Variants in CAPS2 observed in about 807,000 individuals in gnomAD.
CAPS2 encodes the protein calcyphosin-2.
CAPS2 carries 98 observed loss-of-function variants against 86.5 expected under a neutral mutation model. The ratio of observed to expected loss-of-function variants is 1.13; its 90% CI spans 0.96 to 1.34. The LOEUF (loss-of-function observed/expected upper bound fraction) is 1.34, where lower values mean the gene tolerates loss of function less well. Among genes scored for constraint, CAPS2 ranks in the 40% most tolerant of loss-of-function variants. CAPS2 has a pLI of 0.00. For missense variants in CAPS2, 729 were observed against 686.8 expected, an observed-to-expected ratio of 1.06 and a Z score of -0.69; for synonymous variants, 210 against 225.1, an observed-to-expected ratio of 0.93 and a Z score of 0.60.
chr12:75,293,316 T>C, exon 12 of CAPS2: 1 of 1,612,490 alleles, frequency 6.2e-7, no homozygotes, highest in Non-Finnish European at 8.5e-7. Context: ...TTTTCTTTGA[T>C]GCTTTCTGGA....
At chr12:75,333,671 T>C (rs1326282310), upstream of CAPS2, 7 of 152,220 alleles carry the variant, frequency 4.6e-5, no homozygotes, top group Admixed American at 4.6e-4. Context: ...TTTAAAAAGA[T>C]AGTAGCTGCA....
upstream of CAPS2, among the ~76,000 whole-genome samples, chr12:75,327,472 A>T (rs1268633471): frequency 6.6e-6 from 1 of 152,200 alleles, no homozygotes. Flanking sequence ...TATATTTTAT[A>T]CTTCACCTTT....
intron 7 of CAPS2, among the ~76,000 whole-genome samples, chr12:75,311,350 A>G (rs949567396): frequency 2.0e-5 from 3 of 152,148 alleles, no homozygotes; most frequent in African/African-American, 7.2e-5. Context: ...TATTTGAGAG[A>G]AAGAAAGGGA....
At chr12:75,325,129 G>A in intron 2 of CAPS2, 110 bp downstream of exon 3, 6 of 985,074 alleles carry the variant, frequency 6.1e-6, no homozygotes, top group Non-Finnish European at 8.6e-6. Flanking sequence ...AGATTTTTCT[G>A]TGGTTCACAA....
Position 75,356,598 on chromosome 12 carries a change from T to G in CAPS2, c.-394-33376A>C, listed in dbSNP as rs115610272. ...GTAAAATGGAATTTTTAAAAGATAT[T>G]TAATTAACCCAAAGAAAGGCAAAAA... is the stretch of plus-strand genomic sequence containing the variant. On this transcript the variant is annotated intron_variant, in intron 1 of 5. Coordinates refer to the CAPS2 transcript ENST00000551829. Among the ~76,000 whole-genome samples the G allele has an allele frequency of 9.2e-3, 1,405 of 151,986 alleles. 24 individuals are homozygous for G. Among genetic ancestry groups the G allele is most frequent in the African/African-American group, 0.033 (1,348 of 41,464 alleles).
At chr12:75,283,488 C>T (rs978438678) in intron 15 of CAPS2, among the ~76,000 whole-genome samples, 2 of 152,058 alleles carry the variant, frequency 1.3e-5, no homozygotes, top group Non-Finnish European at 2.9e-5. Flanking sequence ...AGGGTGGCCC[C>T]TTATCCAATA....
chr12:75,294,760 T>C (rs2036595969), intron 11 of CAPS2, among the ~76,000 whole-genome samples: 1 of 152,134 alleles, frequency 6.6e-6, no homozygotes. Context: ...CATGTATGTG[T>C]CGGGATAGGA....
chr12:75,298,643 C>G lies in CAPS2; in HGVS notation c.1044+44G>C, dbSNP rs752886745. On this transcript the variant is annotated intron_variant, in intron 11 of 16. Transcript: ENST00000393284. The stretch of plus-strand genomic sequence containing the variant: ...CCACCTCCATGGGACTCCACAAAAT[C>G]CACCATCTGGTATTAAATGTGTGCA... 1.5e-5 allele frequency: 22 copies of G among 1,497,844 alleles called. No individual in the cohort carries two copies. The East Asian group carries it at 4.7e-4, about 32-fold the overall frequency. 92.8% of individuals were successfully genotyped at this position (1,497,844 alleles called of 1,614,324 possible).
intron 13 of CAPS2, among the ~76,000 whole-genome samples, chr12:75,291,538 G>GTATATATATATA (rs5799217): frequency 3.8e-5 from 1 of 26,142 alleles, no homozygotes; most frequent in Non-Finnish European, 6.6e-5. Flanking sequence ...ATTTTAAAAA[G>GTATATATATATA]TATATATATA....
At chr12:75,350,414 G>T (rs1000294493) in intron 1 of CAPS2, among the ~76,000 whole-genome samples, 6 of 152,170 alleles carry the variant, frequency 3.9e-5, no homozygotes, top group Non-Finnish European at 8.8e-5. Context: ...CCCAACAGGG[G>T]TCTCCAGGCA....
chr12:75,370,754 G>T (rs2044308991), intron 1 of CAPS2, among the ~76,000 whole-genome samples: 1 of 152,034 alleles, frequency 6.6e-6, no homozygotes, highest in Non-Finnish European at 1.5e-5. Flanking sequence ...ATGCCCCACA[G>T]AAAATAACAG....
chr12:75,325,415 A>G, intron 1 of CAPS2, 127 bp from the exon 3 acceptor site: 1 of 807,486 alleles, frequency 1.2e-6, no homozygotes, highest in Non-Finnish European at 1.8e-6. Context: ...TCTATATAAT[A>G]AATACTTATT....
intron 7 of CAPS2, among the ~76,000 whole-genome samples, chr12:75,308,548 T>C (rs2038777921): frequency 6.6e-6 from 1 of 152,148 alleles, no homozygotes; most frequent in Non-Finnish European, 1.5e-5. Flanking sequence ...TTGTTCAAAG[T>C]GCAAAGAACC....
upstream of CAPS2, among the ~76,000 whole-genome samples, chr12:75,329,303 A>G (rs1305608711): frequency 6.6e-6 from 1 of 152,206 alleles, no homozygotes; most frequent in Non-Finnish European, 1.5e-5. Flanking sequence ...AGCACTGAAT[A>G]TCCAGCTGGG....
chr12:75,306,222 G>A (rs1211008746), intron 7 of CAPS2: 6 of 670,400 alleles, frequency 8.9e-6, no homozygotes, highest in East Asian at 5.4e-5. Flanking sequence ...CGGGCCAGCC[G>A]CGAAATTACG....
intron 1 of CAPS2, among the ~76,000 whole-genome samples, chr12:75,377,233 T>C (rs2044697776): frequency 6.6e-6 from 1 of 152,086 alleles, no homozygotes; most frequent in African/African-American, 2.4e-5. Context: ...ACTAAAGAAA[T>C]CCATCCTTTA....
intron 1 of CAPS2, chr12:75,362,985 T>G: frequency 1.9e-6 from 1 of 531,482 alleles, no homozygotes; most frequent in East Asian, 3.6e-5. Flanking sequence ...GACATTATTA[T>G]TTTTCATTTT....
chr12:75,320,578 AT>A (rs1408705555), intron 5 of CAPS2, among the ~76,000 whole-genome samples: 1 of 152,036 alleles, frequency 6.6e-6, no homozygotes, highest in Non-Finnish European at 1.5e-5. Context: ...TTAATTCTAG[AT>A]AGTTCCTACA....
rs754557720 is a variant in CAPS2 at position 75,347,705 on chromosome 12, A to G, written c.-394-24483T>C. 3.1e-6 allele frequency: 5 copies of G among 1,599,360 alleles called. No homozygotes were observed. In the African/African-American group the frequency reaches 5.4e-5, roughly 17 times the overall value. ...GGGGAGCTTCAACTGCAATATTTGT[A>G]TGCAACTACGGACCTGCGTGAGTTA... is the stretch of plus-strand genomic sequence containing the variant. On this transcript the variant is annotated intron_variant, in intron 1 of 5. Transcript: ENST00000551829.
Sources: allele counts gnomAD v4.1 joint callset (sites outside exome capture counted in the v4.1 genomes callset), GRCh38; gene constraint gnomAD v4.1.1; transcripts MANE v1.5; gene names NCBI Gene and HGNC (gene_info 2026-07-23, HGNC 2026-07-21).